RB1: variants seen among roughly 807,000 people sequenced by gnomAD.
RB1 encodes RB transcriptional corepressor 1.
A neutral mutation model predicts 135.4 loss-of-function variants in RB1; 18 were observed. That is an observed-to-expected ratio of 0.13 (90% CI 0.09 to 0.20). The LOEUF (loss-of-function observed/expected upper bound fraction) is 0.20, where lower values mean the gene tolerates loss of function less well. RB1 is among the 10% of genes least tolerant of loss of function. The pLI, the probability that RB1 is intolerant of heterozygous loss-of-function variation, is 1.00. For missense variants in RB1, 868 were observed against 1,110.0 expected (o/e 0.78, Z 3.10); for synonymous variants, 365 against 373.2 (o/e 0.98, Z 0.25).
chr13:48,361,575 A>G (rs920759513), intron 7 of RB1, among the ~76,000 whole-genome samples: 1 of 152,196 alleles, frequency 6.6e-6, no homozygotes, highest in African/African-American at 2.4e-5. Context: ...GCTCTTTGTT[A>G]TCACACCTAC....
At chr13:48,320,018 C>T in intron 2 of RB1, 1 of 443,612 alleles carries the variant, frequency 2.3e-6, no homozygotes. Flanking sequence ...CTGGGCTGCG[C>T]CTGGCTGGCC....
At chr13:48,428,532 T>C (rs1270576190) in intron 17 of RB1, among the ~76,000 whole-genome samples, 1 of 152,224 alleles carries the variant, frequency 6.6e-6, no homozygotes, top group Non-Finnish European at 1.5e-5. Flanking sequence ...AGACATAAAA[T>C]AGGAAACTTG....
intron 2 of RB1, among the ~76,000 whole-genome samples, chr13:48,316,153 T>C (rs541625912): frequency 2.0e-5 from 3 of 152,204 alleles, no homozygotes; most frequent in Non-Finnish European, 4.4e-5. Context: ...GGATTTCACA[T>C]GCAACAGGGA....
chr13:48,338,581 T>C (rs556570922), intron 2 of RB1, among the ~76,000 whole-genome samples: 2 of 152,372 alleles, frequency 1.3e-5, no homozygotes, highest in South Asian at 4.1e-4. Context: ...GCCAGTTGTC[T>C]AATCTTTTTT....
At chr13:48,397,881 G>A (rs1948661039) in intron 17 of RB1, among the ~76,000 whole-genome samples, 1 of 152,096 alleles carries the variant, frequency 6.6e-6, no homozygotes, top group Admixed American at 6.6e-5. Flanking sequence ...AACCAAAAAG[G>A]ATATCTGTTG....
intron 11 of RB1, among the ~76,000 whole-genome samples, chr13:48,369,256 G>T (rs959722313): frequency 1.3e-5 from 2 of 152,044 alleles, no homozygotes; most frequent in African/African-American, 4.8e-5. Flanking sequence ...TGTTATCAAG[G>T]CTTGTTGAAT....
At chr13:48,337,502 C>A (rs1952395927) in intron 2 of RB1, among the ~76,000 whole-genome samples, 1 of 151,978 alleles carries the variant, frequency 6.6e-6, no homozygotes, top group Non-Finnish European at 1.5e-5. Context: ...GGATTGCAAC[C>A]CCTGCCTTTT....
chr13:48,398,894 A>C (rs1948668413), intron 17 of RB1, among the ~76,000 whole-genome samples: 1 of 152,126 alleles, frequency 6.6e-6, no homozygotes, highest in African/African-American at 2.4e-5. Context: ...CTAATAAGTA[A>C]CAAGAAAGGG....
chr13:48,405,347 A>C (rs1279140775), intron 17 of RB1, among the ~76,000 whole-genome samples: 1 of 152,216 alleles, frequency 6.6e-6, no homozygotes, highest in Non-Finnish European at 1.5e-5. Context: ...GTATTAACAA[A>C]AGAAAATTTG....
At chr13:48,414,890 A>G (rs1948881810) in intron 17 of RB1, among the ~76,000 whole-genome samples, 1 of 152,182 alleles carries the variant, frequency 6.6e-6, no homozygotes, top group South Asian at 2.1e-4. Context: ...TTCTTATTAG[A>G]AGGCTGGTAG....
intron 12 of RB1, among the ~76,000 whole-genome samples, chr13:48,375,049 C>CT (rs1041427115): frequency 3.3e-5 from 5 of 152,058 alleles, no homozygotes; most frequent in South Asian, 2.1e-4. Flanking sequence ...TAATTTCATT[C>CT]TTTTTTTATG....
intron 17 of RB1, among the ~76,000 whole-genome samples, chr13:48,416,750 G>A (rs1481540339): frequency 6.6e-6 from 1 of 152,210 alleles, no homozygotes; most frequent in African/African-American, 2.4e-5. Context: ...CTTGGTGGGA[G>A]GAGGGGCTTC....
chr13:48,415,368 C>T (rs925480104), intron 17 of RB1, among the ~76,000 whole-genome samples: 1 of 151,866 alleles, frequency 6.6e-6, no homozygotes, highest in South Asian at 2.1e-4. Flanking sequence ...CAACCTCTGC[C>T]TCCCAGGTTC....
chr13:48,393,007 C>T (rs1593463821), intron 17 of RB1, among the ~76,000 whole-genome samples: 2 of 152,176 alleles, frequency 1.3e-5, no homozygotes, highest in Non-Finnish European at 2.9e-5. Context: ...AATCAATAGC[C>T]GATTTTCCTT....
At position 48,459,929 on chromosome 13, in the gene RB1, C is replaced by CTTT. The variant is rs1402722707; in HGVS notation, c.2106+97_2106+99dup. The CTTT allele has an allele frequency of 6.1e-6, 3 of 490,408 alleles. No homozygotes were observed. The Admixed American group carries it at 1.5e-4, about 24-fold the overall frequency. 30.4% of individuals were successfully genotyped at this position (490,408 alleles called of 1,614,324 possible). A position where few individuals can be genotyped will look rare whatever the true frequency, so the allele number is the denominator to read the frequency against. Reference sequence around the variant, plus strand: ...TCTTTCTTTCTTTCTTTCTTTCTTTCTTTCTTTCTTTCTTTCTTTCTTTTT... The same window carrying CTTT: ...TCTTTCTTTCTTTCTTTCTTTCTTTCTTTTTTCTTTCTTTCTTTCTTTCTTTTT... On this transcript the variant is annotated intron_variant, in intron 20 of 26. Coordinates refer to ENST00000267163, the MANE Select transcript of RB1 (RefSeq NM_000321.3).
intron 17 of RB1, among the ~76,000 whole-genome samples, chr13:48,417,694 AC>A (rs71099696): frequency 0.21 from 31,681 of 152,092 alleles, 3,455 homozygotes; most frequent in South Asian, 0.26. Flanking sequence ...AACATAAATG[AC>A]CTGATGGAGC....
At chr13:48,415,732 CAT>C (rs760600296) in intron 17 of RB1, 10 of 152,180 alleles carry the variant, frequency 6.6e-5, no homozygotes, top group African/African-American at 1.9e-4. Flanking sequence ...ATGATTCTCA[CAT>C]GTTTGCTGAT....
At position 48,319,810 on chromosome 13, in the gene RB1, T is replaced by G. The variant is rs919604334; in HGVS notation, c.264+12404T>G. 2.3e-5 allele frequency: 7 copies of G among 306,740 alleles called. No individual in the cohort carries two copies. The highest frequency in any genetic ancestry group is 9.0e-4 in the Middle Eastern group (1 of 1,110). The allele number at this position is 306,740 out of a possible 1,614,324, so 19.0% of individuals were successfully genotyped here. On this transcript the variant is annotated intron_variant, in intron 2 of 26. Transcript: ENST00000267163. The surrounding 1 kb of genome is among the most constrained non-coding windows in gnomAD (Gnocchi z 5.0). The stretch of plus-strand genomic sequence containing the variant: ...ATTCAGAAGCTGTTCTATTTCCGCC[T>G]TAATGCTCTGCTCGAAGGAGTCGTT...
At chr13:48,471,367 A>C (rs1241622471) in intron 23 of RB1, among the ~76,000 whole-genome samples, 2 of 77,698 alleles carry the variant, frequency 2.6e-5, no homozygotes, top group African/African-American at 9.3e-5. Context: ...CAATGAGATC[A>C]CATGGACACA....
Sources: allele counts gnomAD v4.1 joint callset (sites outside exome capture counted in the v4.1 genomes callset), GRCh38; gene constraint gnomAD v4.1.1; non-coding constraint Gnocchi (gnomAD v3.1); transcripts MANE v1.5; gene names NCBI Gene and HGNC (gene_info 2026-07-23, HGNC 2026-07-21).